The following HDAC9 variants were observed in gnomAD, a reference collection of about 807,000 sequenced individuals.
The protein encoded by HDAC9 is MEF-2 interacting transcription repressor (MITR) protein.
HDAC9 carries 41 observed loss-of-function variants against 139.4 expected under a neutral mutation model. The ratio of observed to expected loss-of-function variants is 0.29; its 90% CI spans 0.23 to 0.38. The LOEUF (loss-of-function observed/expected upper bound fraction) is 0.38, where lower values mean the gene tolerates loss of function less well. Ranked by LOEUF, HDAC9 falls within the 10% of genes least tolerant of loss-of-function variation. The pLI is 1.00. For missense variants in HDAC9, 1,147 were observed against 1,297.0 expected, an observed-to-expected ratio of 0.88 and a Z score of 1.78; for synonymous variants, 517 against 476.2, an observed-to-expected ratio of 1.09 and a Z score of -1.12.
intron 1 of HDAC9, among the ~76,000 whole-genome samples, chr7:18,382,985 A>C (rs947105280): frequency 2.0e-5 from 3 of 152,180 alleles, no homozygotes; most frequent in Non-Finnish European, 1.5e-5. Flanking sequence ...GGGCAACTTA[A>C]ATTTCTGGGT....
chr7:18,775,667 A>G (rs1790702385), intron 16 of HDAC9, among the ~76,000 whole-genome samples: 1 of 145,692 alleles, frequency 6.9e-6, no homozygotes, highest in Non-Finnish European at 1.5e-5. Flanking sequence ...GTAGACTCAC[A>G]TTTTTTCTTA....
At chr7:18,962,757 G>C (rs1330158104) in intron 24 of HDAC9, among the ~76,000 whole-genome samples, 1 of 152,140 alleles carries the variant, frequency 6.6e-6, no homozygotes, top group Non-Finnish European at 1.5e-5. Flanking sequence ...AGAAAGTCAG[G>C]TTTGAGGGAA....
chr7:18,980,456 A>G (rs932813826), intron 25 of HDAC9, among the ~76,000 whole-genome samples: 53 of 152,206 alleles, frequency 3.5e-4, no homozygotes, highest in Non-Finnish European at 7.1e-4. Flanking sequence ...AGGGCAAGTT[A>G]CTTAATCTCT....
intron 1 of HDAC9, among the ~76,000 whole-genome samples, chr7:18,381,198 C>CAAAAAAAAAAAAAAAAAAAAAAGAAA (rs1785408839): frequency 4.1e-5 from 3 of 73,340 alleles, no homozygotes; most frequent in African/African-American, 1.2e-4. Context: ...GACTCTGTCT[C>CAAAAAAAAAAAAAAAAAAAAAAGAAA]AAAAAAAAAA....
chr7:18,755,483 AT>A (rs1320092558), intron 14 of HDAC9, among the ~76,000 whole-genome samples: 8 of 152,190 alleles, frequency 5.3e-5, no homozygotes, highest in African/African-American at 1.9e-4. Context: ...GTAACAAAAA[AT>A]ATTTGTTGAA....
chr7:18,372,954 T>C (rs1784709493), intron 1 of HDAC9, among the ~76,000 whole-genome samples: 1 of 152,214 alleles, frequency 6.6e-6, no homozygotes, highest in Non-Finnish European at 1.5e-5. Flanking sequence ...TGTCTGATAC[T>C]TGTTCAGACT....
At position 18,707,899 on chromosome 7, in the gene HDAC9, G is replaced by C. The variant is rs143636685; in HGVS notation, c.1732-19681G>C. ...TGTATGCACGTGCATACATGTGTGTGTCTGTATTTGAGTTGGAAGCGATGA... is the reference window on the plus strand; with the variant it reads ...TGTATGCACGTGCATACATGTGTGTCTCTGTATTTGAGTTGGAAGCGATGA... On this transcript the variant is annotated intron_variant, in intron 12 of 25. Transcript: ENST00000686413. 2.2e-3 allele frequency among the ~76,000 whole-genome samples: 327 copies of C among 151,450 alleles called. 3 individuals are homozygous for C. Among genetic ancestry groups the C allele is most frequent in the Middle Eastern group, 0.01 (3 of 292 alleles).
At chr7:18,633,221 T>C (rs748412498) in intron 7 of HDAC9, among the ~76,000 whole-genome samples, 1 of 152,058 alleles carries the variant, frequency 6.6e-6, no homozygotes. Context: ...AAGACAAACA[T>C]GGATGTAGAG....
chr7:18,623,773 C>T (rs193298685), intron 6 of HDAC9, among the ~76,000 whole-genome samples: 4 of 152,280 alleles, frequency 2.6e-5, no homozygotes, highest in Admixed American at 2.0e-4. Flanking sequence ...GAAACCCTGT[C>T]TCCACTAAAA....
intron 2 of HDAC9, among the ~76,000 whole-genome samples, chr7:18,241,000 C>G (rs1443539749): frequency 6.6e-6 from 1 of 152,148 alleles, no homozygotes; most frequent in Non-Finnish European, 1.5e-5. Flanking sequence ...CAGGTGTATA[C>G]AGAGTCCAGA....
chr7:18,732,736 TGTGTGC>T, intron 13 of HDAC9, among the ~76,000 whole-genome samples: 1 of 105,186 alleles, frequency 9.5e-6, no homozygotes, highest in Non-Finnish European at 1.8e-5. Flanking sequence ...CACACGTGTA[TGTGTGC>T]GTATGTGTAC....
intron 2 of HDAC9, among the ~76,000 whole-genome samples, chr7:18,502,035 T>C (rs1798529806): frequency 6.6e-6 from 1 of 152,162 alleles, no homozygotes; most frequent in South Asian, 2.1e-4. Flanking sequence ...GGTCTTAGCC[T>C]TGGTTGGTGT....
chr7:18,758,575 GA>G (rs1256604326), intron 14 of HDAC9, among the ~76,000 whole-genome samples: 1 of 151,946 alleles, frequency 6.6e-6, no homozygotes, highest in East Asian at 1.9e-4. Context: ...ATCTCAATAT[GA>G]AAGGAAAAGT....
At chr7:18,188,945 A>C (rs1187524138) in intron 2 of HDAC9, among the ~76,000 whole-genome samples, 1 of 152,210 alleles carries the variant, frequency 6.6e-6, no homozygotes, top group East Asian at 1.9e-4. Context: ...CAATTCCTCA[A>C]GGATCTAGAA....
At chr7:18,834,937 G>A (rs1585124351) in intron 19 of HDAC9, among the ~76,000 whole-genome samples, 2 of 152,286 alleles carry the variant, frequency 1.3e-5, no homozygotes, top group East Asian at 1.9e-4. Flanking sequence ...CAAGAATTGC[G>A]AAAATGCTCT....
At chr7:18,451,447 G>GTATATATATGTGTGTGTGTGTGTGTGTA (rs748240749) in intron 1 of HDAC9, among the ~76,000 whole-genome samples, 4 of 149,390 alleles carry the variant, frequency 2.7e-5, no homozygotes, top group African/African-American at 1.0e-4. Context: ...GTGTGTGTGT[G>GTATATATATGTGTGTGTGTGTGTGTGTA]TATATGTATA....
chr7:18,612,657 A>C (rs1422698753), intron 6 of HDAC9, among the ~76,000 whole-genome samples: 1 of 33,058 alleles, frequency 3.0e-5, no homozygotes, highest in African/African-American at 9.2e-5. Flanking sequence ...TAAGCATTGG[A>C]AACATTTTAA....
chr7:18,355,450 A>T (rs1359509292), intron 1 of HDAC9, among the ~76,000 whole-genome samples: 2 of 152,218 alleles, frequency 1.3e-5, no homozygotes, highest in African/African-American at 4.8e-5. Flanking sequence ...GAAGTGAATA[A>T]TTTAGGATTA....
At chr7:18,897,948 T>C (rs1801364563) in intron 22 of HDAC9, among the ~76,000 whole-genome samples, 1 of 151,914 alleles carries the variant, frequency 6.6e-6, no homozygotes, top group Admixed American at 6.6e-5. Context: ...ACTGTCACTT[T>C]TAAAATGTTC....
Sources: gnomAD v4.1 joint callset for allele counts (sites outside exome capture counted in the v4.1 genomes callset) on GRCh38, gnomAD v4.1.1 for gene constraint, MANE v1.5 for transcripts, NCBI Gene and HGNC (gene_info 2026-07-23, HGNC 2026-07-21) for gene names.